The following PLEKHA6 variants were observed in gnomAD, a reference collection of about 807,000 sequenced individuals.
PLEKHA6 encodes the protein pleckstrin homology domain-containing family A member 6.
Under a neutral mutation model 116.7 loss-of-function variants are expected in PLEKHA6, and 60 were observed. That is an observed-to-expected ratio of 0.51 (90% CI 0.42 to 0.64). The LOEUF is 0.64. Among genes scored for constraint, PLEKHA6 ranks in the 30% least tolerant of loss-of-function variants. The pLI, the probability that PLEKHA6 is intolerant of heterozygous loss-of-function variation, is 0.00. For missense variants in PLEKHA6, 1,338 were observed against 1,422.7 expected (o/e 0.94, Z 0.96); for synonymous variants, 489 against 556.1 (o/e 0.88, Z 1.70).
At position 204,238,904 on chromosome 1, in the gene PLEKHA6, A is replaced by T. The variant is rs560823774; in HGVS notation, c.2409+2471T>A. On this transcript the variant is annotated intron_variant, in intron 17 of 22. Coordinates refer to ENST00000272203, the MANE Select transcript of PLEKHA6 (RefSeq NM_014935.5). The surrounding 1 kb of genome is among the most constrained non-coding windows in gnomAD (Gnocchi z 4.2). Reference sequence around the variant, plus strand: ...CAGTGCACCTGGCTGTGCACTTTGCATGGAAGGAGAAATGGCCAGATGTGC... The same window carrying T: ...CAGTGCACCTGGCTGTGCACTTTGCTTGGAAGGAGAAATGGCCAGATGTGC... Among the ~76,000 whole-genome samples, 1 of 152,230 alleles carries T rather than the reference A, an allele frequency of 6.6e-6. No homozygotes were observed. The highest frequency in any genetic ancestry group is 1.9e-4 in the East Asian group (1 of 5,194).
chr1:204,263,023 C>T (rs1666331499), intron 6 of PLEKHA6, among the ~76,000 whole-genome samples: 1 of 152,190 alleles, frequency 6.6e-6, no homozygotes, highest in Admixed American at 6.5e-5. Context: ...ATTCAATGAG[C>T]ATCCAGGGAG....
chr1:204,359,266 C>A (rs1308785944), intron 1 of PLEKHA6, among the ~76,000 whole-genome samples: 1 of 151,958 alleles, frequency 6.6e-6, no homozygotes, highest in African/African-American at 2.4e-5. Context: ...GAAGGTGAGT[C>A]CCTGGGGCTG....
chr1:204,320,430 C>G (rs941958008), intron 1 of PLEKHA6: 1 of 935,834 alleles, frequency 1.1e-6, no homozygotes, highest in Non-Finnish European at 1.3e-6. Flanking sequence ...GCTCAGCTCC[C>G]CAGGAGACTG....
chr1:204,257,780 G>T lies in PLEKHA6; in HGVS notation c.1097C>A (p.Pro366Gln), dbSNP rs201635940. 10 of 1,614,040 alleles carry T rather than the reference G, an allele frequency of 6.2e-6. No individual in the cohort carries two copies. Among genetic ancestry groups the T allele is most frequent in the East Asian group, 2.2e-5 (1 of 44,888 alleles). Reference sequence around the variant, plus strand: ...GATGCTCTCCGGCCGCACTCCTGGCGGGTAGTACTGATAATCATCGGGGTA... The same window carrying T: ...GATGCTCTCCGGCCGCACTCCTGGCTGGTAGTACTGATAATCATCGGGGTA... ...SQYPDDYQYY[P>Q]PGVRPESICS... Residue 366 changes from proline to glutamine, a missense_variant, in exon 9 of 23, where the codon CCG becomes CAG. Transcript: ENST00000272203. This position sits in a 1 kb window ranked among gnomAD's most constrained non-coding sequence, Gnocchi z 6.5.
chr1:204,370,340 G>A (rs1673749696), intron 2 of PLEKHA6, among the ~76,000 whole-genome samples: 1 of 152,248 alleles, frequency 6.6e-6, no homozygotes, highest in Non-Finnish European at 1.5e-5. Context: ...CATGATTGAC[G>A]GAGGCCTTGG....
chr1:204,331,260 A>G (rs115534177), intron 1 of PLEKHA6, among the ~76,000 whole-genome samples: 1,895 of 151,886 alleles, frequency 0.012, 36 homozygotes, highest in African/African-American at 0.04. Flanking sequence ...GCAGCAACTG[A>G]TCAAATGCCT....
At chr1:204,355,433 TTTTG>T (rs531566383) in intron 1 of PLEKHA6, among the ~76,000 whole-genome samples, 8 of 152,038 alleles carry the variant, frequency 5.3e-5, no homozygotes, top group East Asian at 1.9e-4. Context: ...CATAACTACG[TTTTG>T]TTTGTTTGTT....
chr1:204,293,354 C>T (rs1242172184), intron 1 of PLEKHA6, among the ~76,000 whole-genome samples: 2 of 152,156 alleles, frequency 1.3e-5, no homozygotes, highest in Admixed American at 1.3e-4. Context: ...AGGCTGATCT[C>T]GAACTCCTGG....
intron 1 of PLEKHA6, among the ~76,000 whole-genome samples, chr1:204,291,399 T>C (rs151146565): frequency 8.0e-4 from 122 of 152,282 alleles, no homozygotes; most frequent in Non-Finnish European, 1.0e-3. Context: ...CCATGCACCA[T>C]ACAACCCATT....
chr1:204,261,957 T>G lies in PLEKHA6; in HGVS notation c.382-509A>C. Reference sequence around the variant, plus strand: ...GCACTGGCATACAGATGGGGCACACTACCTAGTTGGTGGCTGCGAGCAGGT... The same window carrying G: ...GCACTGGCATACAGATGGGGCACACGACCTAGTTGGTGGCTGCGAGCAGGT... On this transcript the variant is annotated intron_variant, in intron 6 of 22. Coordinates refer to ENST00000272203, the MANE Select transcript of PLEKHA6 (RefSeq NM_014935.5). This position sits in a 1 kb window ranked among gnomAD's most constrained non-coding sequence, Gnocchi z 4.0. 2 of 165,328 alleles carry G rather than the reference T, an allele frequency of 1.2e-5. No homozygotes were observed. The highest frequency in any genetic ancestry group is 2.0e-4 in the South Asian group (1 of 5,084). 10.2% of individuals were successfully genotyped at this position (165,328 alleles called of 1,614,324 possible). A position where few individuals can be genotyped will look rare whatever the true frequency, so the allele number is the denominator to read the frequency against.
In PLEKHA6 at chr1:204,268,445, G is replaced by C. The variant is rs1283947809; in HGVS notation, c.103-133C>G. 3 of 451,172 alleles carry C rather than the reference G, an allele frequency of 6.6e-6. No homozygotes were observed. In the Admixed American group the frequency reaches 1.2e-4, roughly 18 times the overall value. 27.9% of individuals were successfully genotyped at this position (451,172 alleles called of 1,614,324 possible). A position where few individuals can be genotyped will look rare whatever the true frequency, so the allele number is the denominator to read the frequency against. On this transcript the variant is annotated intron_variant, in intron 3 of 22. Transcript: ENST00000272203. ...GGGTGCCCTCACACCAAGGGGCCCAGGTGTGAATCTTGGATCTATTACTAA... is the reference window on the plus strand; with the variant it reads ...GGGTGCCCTCACACCAAGGGGCCCACGTGTGAATCTTGGATCTATTACTAA...
chr1:204,222,407 CCA>C lies in PLEKHA6; in HGVS notation c.*379_*380del, dbSNP rs1659749246. ...CATAAGATAGCCACAGGTGTGTTCT[CCA>C]CCACGGCATGTCCCCCATCAGGGAA... On this transcript the variant is annotated 3_prime_UTR_variant, in exon 23 of 23. Coordinates refer to ENST00000272203, the MANE Select transcript of PLEKHA6 (RefSeq NM_014935.5). 6.5e-6 allele frequency: 1 copy of C among 152,726 alleles called. No individual in the cohort carries two copies. Among genetic ancestry groups the C allele is most frequent in the Non-Finnish European group, 1.5e-5 (1 of 68,154 alleles). The allele number at this position is 152,726 out of a possible 1,614,324, so 9.5% of individuals were successfully genotyped here.
intron 21 of PLEKHA6, among the ~76,000 whole-genome samples, chr1:204,225,876 G>T (rs1218418921): frequency 6.6e-6 from 1 of 152,176 alleles, no homozygotes; most frequent in Non-Finnish European, 1.5e-5. Context: ...TCCAGACACT[G>T]CACAAGACAT....
chr1:204,322,857 C>A (rs1034097686), intron 1 of PLEKHA6, among the ~76,000 whole-genome samples: 1 of 152,218 alleles, frequency 6.6e-6, no homozygotes, highest in Admixed American at 6.5e-5. Flanking sequence ...ACTGGCCCTA[C>A]GCATTTTGCA....
chr1:204,280,626 C>T lies in PLEKHA6; in HGVS notation c.-94-5817G>A, dbSNP rs151083657. Among the ~76,000 whole-genome samples the T allele has an allele frequency of 2.0e-3, 309 of 152,268 alleles. 1 individual carries two copies. The highest frequency in any genetic ancestry group is 6.3e-3 in the African/African-American group (263 of 41,534). On this transcript the variant is annotated intron_variant, in intron 1 of 22. Transcript: ENST00000272203. Reference sequence around the variant, plus strand: ...AGGCAAGTGGAAAGGGGGTCCCATCCCTTCCACTTCCTTCTTTCTCCCAGC... The same window carrying T: ...AGGCAAGTGGAAAGGGGGTCCCATCTCTTCCACTTCCTTCTTTCTCCCAGC...
At chr1:204,245,048 G>A (rs995152366) in intron 14 of PLEKHA6, 45 bp from the exon 15 acceptor site, 19 of 1,348,876 alleles carry the variant, frequency 1.4e-5, no homozygotes, top group Non-Finnish European at 1.7e-5. Context: ...GGAGGGGTGC[G>A]GCCTGGTGGG....
chr1:204,354,008 A>C (rs1023013557), intron 1 of PLEKHA6, among the ~76,000 whole-genome samples: 1 of 152,206 alleles, frequency 6.6e-6, no homozygotes, highest in Non-Finnish European at 1.5e-5. Context: ...CAAAACCAGA[A>C]CAATGACCGC....
At position 204,237,307 on chromosome 1, in the gene PLEKHA6, T is replaced by G. The variant is rs531882818; in HGVS notation, c.2409+4068A>C. On this transcript the variant is annotated intron_variant, in intron 17 of 22. Coordinates refer to ENST00000272203, the MANE Select transcript of PLEKHA6 (RefSeq NM_014935.5). ...GCTCCCTGACTGGTAGGGTGAGGGC[T>G]ATGATGGTGGGAAAGGCCAAATAGA... is the stretch of plus-strand genomic sequence containing the variant. Among the ~76,000 whole-genome samples, 199 of 152,296 alleles carry G rather than the reference T, an allele frequency of 1.3e-3. 2 individuals carry two copies. Among genetic ancestry groups the G allele is most frequent in the Non-Finnish European group, 2.4e-3 (160 of 68,020 alleles).
upstream of PLEKHA6, among the ~76,000 whole-genome samples, chr1:204,362,706 G>A (rs971061939): frequency 3.3e-5 from 5 of 152,132 alleles, no homozygotes; most frequent in Non-Finnish European, 7.4e-5. Context: ...ACCACCACAT[G>A]CAGCTAATTT....
Sources: allele counts gnomAD v4.1 joint callset (sites outside exome capture counted in the v4.1 genomes callset), GRCh38; gene constraint gnomAD v4.1.1; non-coding constraint Gnocchi (gnomAD v3.1); transcripts MANE v1.5; gene names NCBI Gene and HGNC (gene_info 2026-07-23, HGNC 2026-07-21).